The following ANKFN1 variants were observed in gnomAD, a reference collection of about 807,000 sequenced individuals.
ANKFN1 encodes the protein ankyrin repeat and fibronectin type III domain containing 1, also known as ankyrin repeat and fibronectin type-III domain-containing protein 1.
A neutral mutation model predicts 108.7 loss-of-function variants in ANKFN1; 74 were observed. The observed-to-expected ratio is 0.68, with a 90% CI of 0.56 to 0.83. The LOEUF is 0.83. ANKFN1 is among the 40% of genes least tolerant of loss of function. ANKFN1 has a pLI of 0.00. For synonymous variants in ANKFN1, 547 were observed against 516.2 expected, an observed-to-expected ratio of 1.06 and a Z score of -0.81; for missense variants, 1,505 against 1,382.3, an observed-to-expected ratio of 1.09 and a Z score of -1.41.
chr17:56,200,502 C>T (rs531497428), intron 1 of ANKFN1, among the ~76,000 whole-genome samples: 1 of 152,308 alleles, frequency 6.6e-6, no homozygotes, highest in African/African-American at 2.4e-5. Context: ...AAATATTACA[C>T]AGAACCTCAA....
At chr17:56,353,723 C>G (rs1003151354) in intron 5 of ANKFN1, 113 bp from the exon 6 acceptor site, 4 of 863,262 alleles carry the variant, frequency 4.6e-6, no homozygotes, top group Admixed American at 2.1e-5. Context: ...GTAGTTATTC[C>G]ACTTATAAGT....
intron 8 of ANKFN1, among the ~76,000 whole-genome samples, chr17:56,378,891 T>G (rs2047013535): frequency 6.6e-6 from 1 of 152,190 alleles, no homozygotes; most frequent in Non-Finnish European, 1.5e-5. Context: ...CTACTAAGGC[T>G]TCTACATCCT....
chr17:56,143,166 A>T (rs1263766225), intron 4 of ANKFN1, among the ~76,000 whole-genome samples: 1 of 152,076 alleles, frequency 6.6e-6, no homozygotes, highest in Non-Finnish European at 1.5e-5. Flanking sequence ...TGAGAGGCCA[A>T]GTTTGGGGGC....
intron 8 of ANKFN1, among the ~76,000 whole-genome samples, chr17:56,426,787 T>A (rs889549362): frequency 1.3e-5 from 2 of 152,052 alleles, no homozygotes; most frequent in Non-Finnish European, 1.5e-5. Context: ...TACTTGAGAA[T>A]CCCCCAAAAA....
At chr17:56,308,031 G>T (rs1026331892) in intron 3 of ANKFN1, among the ~76,000 whole-genome samples, 4 of 152,102 alleles carry the variant, frequency 2.6e-5, no homozygotes, top group Admixed American at 2.6e-4. Context: ...GGTGGGAATT[G>T]AACAATGAGA....
At chr17:56,221,774 A>G (rs1915910655) in intron 2 of ANKFN1, among the ~76,000 whole-genome samples, 2 of 152,222 alleles carry the variant, frequency 1.3e-5, no homozygotes, top group Admixed American at 6.5e-5. Context: ...GGAGTCCCCA[A>G]CACCCTGGCT....
intron 18 of ANKFN1, among the ~76,000 whole-genome samples, chr17:56,486,308 T>C (rs1218294090): frequency 6.6e-6 from 1 of 152,236 alleles, no homozygotes; most frequent in African/African-American, 2.4e-5. Context: ...TCCATTGGCA[T>C]AAACAATTCT....
chr17:56,327,763 C>G (rs2045561519), intron 4 of ANKFN1, among the ~76,000 whole-genome samples: 1 of 152,206 alleles, frequency 6.6e-6, no homozygotes, highest in South Asian at 2.1e-4. Context: ...GCCATTCCTT[C>G]TATTCCTAAT....
At chr17:56,306,975 G>A (rs1376344497) in intron 3 of ANKFN1, among the ~76,000 whole-genome samples, 1 of 152,120 alleles carries the variant, frequency 6.6e-6, no homozygotes, top group East Asian at 1.9e-4. Flanking sequence ...CAAGAAATGG[G>A]GAAACGATTC....
At chr17:56,272,231 A>G (rs913820597) in intron 3 of ANKFN1, among the ~76,000 whole-genome samples, 3 of 152,142 alleles carry the variant, frequency 2.0e-5, no homozygotes, top group East Asian at 3.8e-4. Flanking sequence ...TTGTACAACT[A>G]TCACCTCCAT....
At chr17:56,148,611 G>T (rs1479042592), upstream of ANKFN1, among the ~76,000 whole-genome samples, 2 of 151,922 alleles carry the variant, frequency 1.3e-5, no homozygotes, top group African/African-American at 2.4e-5. Flanking sequence ...GGAGAACATA[G>T]GTATGACACA....
rs151003472 is a variant in ANKFN1 at position 56,372,165 on chromosome 17, G to C, written c.602-481G>C. On this transcript the variant is annotated intron_variant, in intron 6 of 20. Coordinates refer to ENST00000682825, the MANE Select transcript of ANKFN1 (RefSeq NM_001370326.1). Reference sequence around the variant, plus strand: ...TATAAGCTGGGAAGAATGTGTTAAAGGCAGAAAATTTGAATCAGGTTCTAC... The same window carrying C: ...TATAAGCTGGGAAGAATGTGTTAAACGCAGAAAATTTGAATCAGGTTCTAC... 1.7e-3 allele frequency among the ~76,000 whole-genome samples: 262 copies of C among 152,294 alleles called. 1 individual carries two copies. The highest frequency in any genetic ancestry group is 5.9e-3 in the African/African-American group (244 of 41,574).
At chr17:56,233,669 T>C (rs1916900802) in intron 3 of ANKFN1, among the ~76,000 whole-genome samples, 1 of 152,066 alleles carries the variant, frequency 6.6e-6, no homozygotes, top group African/African-American at 2.4e-5. Context: ...TAATTTTATG[T>C]GGCCCTTCCA....
At chr17:56,296,936 G>C (rs951341937) in intron 3 of ANKFN1, among the ~76,000 whole-genome samples, 2 of 152,258 alleles carry the variant, frequency 1.3e-5, no homozygotes, top group Admixed American at 1.3e-4. Flanking sequence ...AGCAACACTT[G>C]GTCTCCTTGT....
chr17:56,328,274 A>G (rs939200390), intron 4 of ANKFN1, among the ~76,000 whole-genome samples: 1 of 152,150 alleles, frequency 6.6e-6, no homozygotes, highest in African/African-American at 2.4e-5. Context: ...TCCCATGCAT[A>G]TGGAATTAGC....
intron 15 of ANKFN1, 93 bp downstream of exon 15, chr17:56,466,664 A>G: frequency 9.3e-7 from 1 of 1,077,630 alleles, no homozygotes; most frequent in East Asian, 2.6e-5. Flanking sequence ...CCATTTACAT[A>G]TGCAGTGATG....
chr17:56,393,792 G>C (rs2047503364), intron 8 of ANKFN1, among the ~76,000 whole-genome samples: 1 of 152,172 alleles, frequency 6.6e-6, no homozygotes, highest in African/African-American at 2.4e-5. Flanking sequence ...CACCACTGAA[G>C]TTCCTACTAT....
intron 4 of ANKFN1, among the ~76,000 whole-genome samples, chr17:56,059,343 A>G (rs1013406379): frequency 1.3e-5 from 2 of 152,082 alleles, no homozygotes; most frequent in Non-Finnish European, 2.9e-5. Flanking sequence ...CCTTTGTCAG[A>G]TGGGCAGCTT....
At chr17:56,104,700 C>T (rs751390290) in intron 4 of ANKFN1, among the ~76,000 whole-genome samples, 2 of 152,178 alleles carry the variant, frequency 1.3e-5, no homozygotes, top group East Asian at 1.9e-4. Context: ...GTCCTGTCCA[C>T]GTTTCCCTTT....
Sources: allele counts gnomAD v4.1 joint callset (sites outside exome capture counted in the v4.1 genomes callset), GRCh38; gene constraint gnomAD v4.1.1; transcripts MANE v1.5; gene names NCBI Gene and HGNC (gene_info 2026-07-23, HGNC 2026-07-21).